The following ERBB4 variants were observed in gnomAD, a reference collection of about 807,000 sequenced individuals.
The protein encoded by ERBB4 is receptor tyrosine-protein kinase erbB-4.
In ERBB4, 42 loss-of-function variants were observed where a neutral mutation model predicts 158.0. That is an observed-to-expected ratio of 0.27 (90% CI 0.21 to 0.34). ERBB4 has a LOEUF of 0.34. ERBB4 is among the 10% of genes least tolerant of loss of function. ERBB4 has a pLI of 1.00. For missense variants in ERBB4, 1,333 were observed against 1,624.1 expected (o/e 0.82, Z 3.08); for synonymous variants, 583 against 558.7 (o/e 1.04, Z -0.61).
At chr2:211,756,027 A>G (rs2075280287) in intron 4 of ERBB4, among the ~76,000 whole-genome samples, 3 of 152,148 alleles carry the variant, frequency 2.0e-5, no homozygotes, top group Admixed American at 2.0e-4. Context: ...TACCTTTTTT[A>G]TGACCATATA....
chr2:211,406,500 A>C (rs13406009), intron 25 of ERBB4, among the ~76,000 whole-genome samples: 4,853 of 152,260 alleles, frequency 0.032, 248 homozygotes, highest in African/African-American at 0.11. Context: ...TGATAAAAAC[A>C]TTCAAAAAGT....
At chr2:212,360,250 A>G (rs926906070) in intron 1 of ERBB4, among the ~76,000 whole-genome samples, 3 of 151,716 alleles carry the variant, frequency 2.0e-5, no homozygotes, top group Non-Finnish European at 4.4e-5. Context: ...CCTTCCTAGC[A>G]TGAGTCCAGA....
chr2:212,286,833 A>G (rs984083244), intron 1 of ERBB4, among the ~76,000 whole-genome samples: 7 of 126,410 alleles, frequency 5.5e-5, no homozygotes, highest in African/African-American at 2.1e-4. Context: ...CTGTTCCCCA[A>G]CTTCTGAACT....
chr2:211,577,549 GA>G, intron 19 of ERBB4, among the ~76,000 whole-genome samples: 1 of 151,976 alleles, frequency 6.6e-6, no homozygotes, highest in Non-Finnish European at 1.5e-5. Context: ...GAACATAGAT[GA>G]AAAAATTCTC....
intron 1 of ERBB4, among the ~76,000 whole-genome samples, chr2:212,193,951 C>T (rs948392058): frequency 1.3e-5 from 2 of 151,900 alleles, no homozygotes; most frequent in African/African-American, 4.8e-5. Context: ...AGAGCCACAC[C>T]ATTGTTTTGA....
At chr2:211,415,018 A>G (rs2063351062) in intron 25 of ERBB4, among the ~76,000 whole-genome samples, 1 of 147,368 alleles carries the variant, frequency 6.8e-6, no homozygotes, top group Non-Finnish European at 1.5e-5. Context: ...TGATATTATT[A>G]TTATTATTAC....
At chr2:212,126,073 T>C (rs897555882) in intron 1 of ERBB4, among the ~76,000 whole-genome samples, 12 of 152,200 alleles carry the variant, frequency 7.9e-5, no homozygotes, top group African/African-American at 2.4e-4. Context: ...TATATATTCA[T>C]GAGTTTCTGA....
At chr2:211,704,014 A>T in intron 11 of ERBB4, 90 bp downstream of exon 11, 1 of 822,058 alleles carries the variant, frequency 1.2e-6, no homozygotes, top group South Asian at 1.4e-5. Flanking sequence ...AGAATCAGTA[A>T]ATCAATAAGA....
chr2:212,319,021 T>C (rs1257998202), intron 1 of ERBB4, among the ~76,000 whole-genome samples: 2 of 151,568 alleles, frequency 1.3e-5, no homozygotes, highest in African/African-American at 4.8e-5. Context: ...CCAAATTCAG[T>C]GATCCCAGCT....
chr2:211,499,770 C>A (rs1195761507), intron 20 of ERBB4, among the ~76,000 whole-genome samples: 1 of 151,972 alleles, frequency 6.6e-6, no homozygotes, highest in Non-Finnish European at 1.5e-5. Context: ...AAGATACCCC[C>A]AAAAAGTTCT....
At chr2:211,820,110 C>A (rs1265702468) in intron 3 of ERBB4, among the ~76,000 whole-genome samples, 1 of 151,694 alleles carries the variant, frequency 6.6e-6, no homozygotes, top group African/African-American at 2.4e-5. Flanking sequence ...GGTACATAAA[C>A]AGATAATTCA....
At chr2:211,763,040 TTGTGTGTGTGTGTGG>T (rs2075453226) in intron 4 of ERBB4, among the ~76,000 whole-genome samples, 1 of 149,050 alleles carries the variant, frequency 6.7e-6, no homozygotes, top group African/African-American at 2.5e-5. Flanking sequence ...CATCTAGGGA[TTGTGTGTGTGTGTGG>T]TGTGTGTGTG....
chr2:211,389,771 G>T (rs527583706), intron 25 of ERBB4, among the ~76,000 whole-genome samples: 11 of 151,918 alleles, frequency 7.2e-5, no homozygotes, highest in Non-Finnish European at 1.6e-4. Flanking sequence ...TTCATTCTTG[G>T]CCTCCCTATT....
chr2:212,357,033 G>C (rs2089486737), intron 1 of ERBB4, among the ~76,000 whole-genome samples: 1 of 151,754 alleles, frequency 6.6e-6, no homozygotes. Context: ...TTTAACATAT[G>C]TAAATAAAAT....
intron 1 of ERBB4, among the ~76,000 whole-genome samples, chr2:212,350,916 A>G (rs2089223906): frequency 6.6e-6 from 1 of 152,182 alleles, no homozygotes; most frequent in Admixed American, 6.5e-5. Context: ...TGAAATAAAA[A>G]GCAAGCAAGG....
chr2:212,492,715 T>TA (rs1690347562), intron 1 of ERBB4, among the ~76,000 whole-genome samples: 1 of 151,546 alleles, frequency 6.6e-6, no homozygotes, highest in Non-Finnish European at 1.5e-5. Context: ...GCTTCAGTTT[T>TA]AGCACTAGAC....
At position 211,710,280 on chromosome 2, in the gene ERBB4, G is replaced by A. The variant is rs149923440; in HGVS notation, c.1124+1770C>T. ...AGGCTAATTCATTTATTATTTCTAGGTGAAAGCACGCAATGTGAGTCAAGT... is the reference window on the plus strand; with the variant it reads ...AGGCTAATTCATTTATTATTTCTAGATGAAAGCACGCAATGTGAGTCAAGT... On this transcript the variant is annotated intron_variant, in intron 9 of 27. Transcript: ENST00000342788. Among the ~76,000 whole-genome samples the A allele has an allele frequency of 1.5e-3, 233 of 152,154 alleles. 1 individual carries two copies. Among genetic ancestry groups the A allele is most frequent in the East Asian group, 0.015 (77 of 5,166 alleles).
At position 211,872,738 on chromosome 2, in the gene ERBB4, T is replaced by C. The variant is rs1193734899; in HGVS notation, c.421+74692A>G. Among the ~76,000 whole-genome samples the C allele has an allele frequency of 2.0e-5, 3 of 152,246 alleles. No homozygotes were observed. In the East Asian group the frequency reaches 5.8e-4, roughly 29 times the overall value. ...TTTCCTATTACAAATTTACTTTTAC[T>C]GTAAGTGATACAATTTTATCGTAAG... On this transcript the variant is annotated intron_variant, in intron 3 of 27. Transcript: ENST00000342788.
intron 1 of ERBB4, among the ~76,000 whole-genome samples, chr2:212,408,939 C>A (rs1374025064): frequency 2.0e-5 from 3 of 152,170 alleles, no homozygotes; most frequent in Non-Finnish European, 4.4e-5. Flanking sequence ...CATGTAGTTT[C>A]TCATATCAGC....
Sources: gnomAD v4.1 joint callset for allele counts (sites outside exome capture counted in the v4.1 genomes callset) on GRCh38, gnomAD v4.1.1 for gene constraint, MANE v1.5 for transcripts, NCBI Gene and HGNC (gene_info 2026-07-23, HGNC 2026-07-21) for gene names.